The following CCDC158 variants were observed in gnomAD, a reference collection of about 807,000 sequenced individuals.
The protein encoded by CCDC158 is coiled-coil domain containing 158.
Under a neutral mutation model 138.6 loss-of-function variants are expected in CCDC158, and 116 were observed. The observed-to-expected ratio is 0.84, with a 90% CI of 0.72 to 0.98. The LOEUF is 0.98. Among genes scored for constraint, CCDC158 ranks in the 50% least tolerant of loss-of-function variants. CCDC158 has a pLI of 0.00. For missense variants in CCDC158, 1,265 were observed against 1,306.1 expected, an observed-to-expected ratio of 0.97 and a Z score of 0.48; for synonymous variants, 436 against 442.4, an observed-to-expected ratio of 0.99 and a Z score of 0.18.
At chr4:76,315,377 C>T (rs1719284591) in intron 24 of CCDC158, among the ~76,000 whole-genome samples, 1 of 152,144 alleles carries the variant, frequency 6.6e-6, no homozygotes, top group Non-Finnish European at 1.5e-5. Context: ...AGCTTGATGG[C>T]CCTGCACATC....
chr4:76,412,482 C>T (rs964331377), intron 1 of CCDC158, among the ~76,000 whole-genome samples: 2 of 152,004 alleles, frequency 1.3e-5, no homozygotes, highest in Admixed American at 6.6e-5. Flanking sequence ...CTATAGTGGC[C>T]GGGCATGGTG....
At chr4:76,384,438 T>C (rs1726593156) in intron 5 of CCDC158, 23 bp from the exon 6 acceptor site, 1 of 1,589,476 alleles carries the variant, frequency 6.3e-7, no homozygotes, top group Admixed American at 1.7e-5. Context: ...TGAAAGAAAA[T>C]AAATAACATT....
chr4:76,326,615 A>G (rs2110088635), intron 22 of CCDC158, among the ~76,000 whole-genome samples: 1 of 152,306 alleles, frequency 6.6e-6, no homozygotes, highest in Admixed American at 6.5e-5. Flanking sequence ...ACCAATCAAA[A>G]ACAAAAACAA....
Position 76,406,285 on chromosome 4 carries a change from A to G in CCDC158, c.-73-3005T>C, listed in dbSNP as rs1490122355. Among the ~76,000 whole-genome samples, 3 of 152,230 alleles carry G rather than the reference A, an allele frequency of 2.0e-5. No homozygotes were observed. In the East Asian group the frequency reaches 5.8e-4, roughly 29 times the overall value. Reference sequence around the variant, plus strand: ...TTGAAGTTAAAAGCCACATTGCACAATAAAGATATGTACCATATAACACAG... The same window carrying G: ...TTGAAGTTAAAAGCCACATTGCACAGTAAAGATATGTACCATATAACACAG... On this transcript the variant is annotated intron_variant, in intron 2 of 24. Coordinates refer to ENST00000682701, the MANE Select transcript of CCDC158 (RefSeq NM_001394954.1).
At position 76,355,440 on chromosome 4, in the gene CCDC158, G is replaced by T; in HGVS notation, c.2174-4C>A. On this transcript the variant is annotated splice_polypyrimidine_tract_variant and splice_region_variant and intron_variant, in intron 14 of 24. Coordinates refer to ENST00000682701, the MANE Select transcript of CCDC158 (RefSeq NM_001394954.1). ...ATCCCCATTGCCACTTTCATAGCTG[G>T]AAAAAAAAAAGAGGCAAACTATGCC... The T allele has an allele frequency of 2.1e-6, 3 of 1,414,900 alleles. No homozygotes were observed. The highest frequency in any genetic ancestry group is 2.9e-6 in the Non-Finnish European group (3 of 1,041,278). 87.6% of individuals were successfully genotyped at this position (1,414,900 alleles called of 1,614,324 possible).
At chr4:76,365,200 G>A (rs184282150) in intron 12 of CCDC158, among the ~76,000 whole-genome samples, 17 of 152,304 alleles carry the variant, frequency 1.1e-4, no homozygotes, top group Non-Finnish European at 5.9e-5. Flanking sequence ...CTGCTTCTCT[G>A]CTGTCAATGT....
intron 21 of CCDC158, 55 bp from the exon 22 acceptor site, chr4:76,329,022 G>T: frequency 7.2e-7 from 1 of 1,383,024 alleles, no homozygotes; most frequent in Non-Finnish European, 1.0e-6. Flanking sequence ...ACAGTACTAA[G>T]ATTCATAGAT....
At chr4:76,378,501 G>A (rs1006463432) in intron 9 of CCDC158, among the ~76,000 whole-genome samples, 1 of 152,066 alleles carries the variant, frequency 6.6e-6, no homozygotes, top group African/African-American at 2.4e-5. Flanking sequence ...TTCCAAATGG[G>A]GACACTATGG....
At position 76,353,245 on chromosome 4, in the gene CCDC158, T is replaced by G. The variant is rs1723223194; in HGVS notation, c.2323A>C (p.Ser775Arg). 6.2e-7 allele frequency: 1 copy of G among 1,610,622 alleles called. No homozygotes were observed. The change falls in exon 16 of 25, where the codon AGT (serine) becomes CGT (arginine). Residue 775 changes from serine to arginine, a missense_variant. Coordinates refer to ENST00000682701, the MANE Select transcript of CCDC158 (RefSeq NM_001394954.1). ...GTGGCAACAGTACTCAATTCCTGAC[T>G]GAGTTTACTTTTCTCTTCTTTCAGA... is the stretch of plus-strand genomic sequence containing the variant. ...HFLKEEKSKL[S>R]QELSTVATEK...
chr4:76,363,393 T>C (rs1724347558), intron 12 of CCDC158, among the ~76,000 whole-genome samples: 1 of 152,214 alleles, frequency 6.6e-6, no homozygotes, highest in African/African-American at 2.4e-5. Context: ...CTTTTCCTTT[T>C]GCTGATTTTG....
intron 17 of CCDC158, 144 bp downstream of exon 17, chr4:76,351,576 T>A: frequency 1.6e-6 from 1 of 613,804 alleles, no homozygotes; most frequent in Non-Finnish European, 2.9e-6. Flanking sequence ...TATATAACAA[T>A]GTACACATCT....
chr4:76,365,588 G>A (rs191666051), intron 12 of CCDC158, among the ~76,000 whole-genome samples: 2 of 152,130 alleles, frequency 1.3e-5, no homozygotes, highest in African/African-American at 4.8e-5. Flanking sequence ...GCTTCTTCCC[G>A]GGCTTGGAAT....
chr4:76,375,371 G>T, intron 9 of CCDC158: 1 of 446,746 alleles, frequency 2.2e-6, no homozygotes, highest in South Asian at 5.8e-5. Context: ...TGGTGGTGGT[G>T]TTTTCTGTTT....
intron 4 of CCDC158, among the ~76,000 whole-genome samples, chr4:76,387,044 A>C (rs1455530816): frequency 2.0e-5 from 3 of 152,224 alleles, no homozygotes; most frequent in Non-Finnish European, 4.4e-5. Context: ...GGCTGGGCTT[A>C]GAGCCAGTAA....
intron 2 of CCDC158, among the ~76,000 whole-genome samples, chr4:76,404,801 G>A (rs1208656406): frequency 1.3e-5 from 2 of 152,064 alleles, no homozygotes; most frequent in African/African-American, 4.8e-5. Flanking sequence ...GAAGCAGGAG[G>A]ATAGCTTGAA....
chr4:76,386,578 C>A (rs28648900), intron 4 of CCDC158, among the ~76,000 whole-genome samples: 4,347 of 152,256 alleles, frequency 0.029, 135 homozygotes, highest in African/African-American at 0.099. Context: ...TCCTTCCTTG[C>A]TTTGTTTGTG....
chr4:76,367,756 C>A lies in CCDC158; in HGVS notation c.1368G>T (p.Lys456Asn), dbSNP rs949970281. The change falls in exon 12 of 25, where the codon AAG becomes AAT. Residue 456 changes from lysine (K) to asparagine (N), a missense_variant. Transcript: ENST00000682701. ...MERQMAAIQG[K>N]NESLEKVSSL... ...AGGATACTTTTTCTAGACTTTCATT[C>A]TTTCCTTGAATTGCTGCCATCTGAT... 3.1e-6 allele frequency: 5 copies of A among 1,601,980 alleles called. No homozygotes were observed. The highest frequency in any genetic ancestry group is 3.4e-6 in the Non-Finnish European group (4 of 1,173,432).
chr4:76,353,055 C>A, intron 16 of CCDC158, 68 bp downstream of exon 16: 2 of 1,350,646 alleles, frequency 1.5e-6, no homozygotes, highest in South Asian at 2.7e-5. Context: ...AGCTTTTGTT[C>A]AGAACAATTC....
At chr4:76,335,833 A>G (rs544411270) in intron 18 of CCDC158, among the ~76,000 whole-genome samples, 2 of 152,180 alleles carry the variant, frequency 1.3e-5, no homozygotes, top group South Asian at 4.2e-4. Flanking sequence ...TTGGTTTCCC[A>G]AAGTGCTGGG....
Sources: allele counts gnomAD v4.1 joint callset (sites outside exome capture counted in the v4.1 genomes callset), GRCh38; gene constraint gnomAD v4.1.1; transcripts MANE v1.5; gene names NCBI Gene and HGNC (gene_info 2026-07-23, HGNC 2026-07-21).